RAB11FIP4: variants seen among roughly 807,000 people sequenced by gnomAD.
RAB11FIP4 encodes rab11 family-interacting protein 4.
RAB11FIP4 carries 23 observed loss-of-function variants against 74.3 expected under a neutral mutation model. That is an observed-to-expected ratio of 0.31 (90% CI 0.22 to 0.44). The LOEUF is 0.44. Among genes scored for constraint, RAB11FIP4 ranks in the 20% least tolerant of loss-of-function variants. The pLI is 1.00. For synonymous variants in RAB11FIP4, 360 were observed against 359.9 expected (o/e 1.00, Z 0.00); for missense variants, 630 against 863.9 (o/e 0.73, Z 3.39).
intron 3 of RAB11FIP4, among the ~76,000 whole-genome samples, chr17:31,472,269 T>C (rs2071744850): frequency 1.3e-5 from 2 of 151,818 alleles, no homozygotes; most frequent in South Asian, 4.1e-4. Flanking sequence ...AAAGAACCAC[T>C]GTGCAGTGCC....
intron 1 of RAB11FIP4, among the ~76,000 whole-genome samples, chr17:31,427,714 G>T (rs748619738): frequency 6.6e-6 from 1 of 151,972 alleles, no homozygotes; most frequent in South Asian, 2.1e-4. Context: ...GGAGGCTGGA[G>T]GGTAGAGGGT....
At chr17:31,407,040 A>ATTTTTTTTTTTTTTTTTTTTTTTTTT (rs59919036) in intron 1 of RAB11FIP4, among the ~76,000 whole-genome samples, 1 of 51,208 alleles carries the variant, frequency 2.0e-5, no homozygotes, top group African/African-American at 7.7e-5. Flanking sequence ...GTTTCACTTG[A>ATTTTTTTTTTTTTTTTTTTTTTTTTT]TTTTTTTTTT....
At chr17:31,416,430 T>C (rs1177511302) in intron 1 of RAB11FIP4, among the ~76,000 whole-genome samples, 1 of 152,216 alleles carries the variant, frequency 6.6e-6, no homozygotes, top group Non-Finnish European at 1.5e-5. Flanking sequence ...CCCTCATCCC[T>C]TGTCTCAGGC....
intron 3 of RAB11FIP4, among the ~76,000 whole-genome samples, chr17:31,490,793 G>A (rs78696646): frequency 0.019 from 2,911 of 152,332 alleles, 81 homozygotes; most frequent in African/African-American, 0.067. Flanking sequence ...CTGGGCTCAA[G>A]GGTTCTGCCT....
chr17:31,531,788 G>A lies in RAB11FIP4; in HGVS notation c.*56G>A. ...GACCCTGGGACCAAGGGCAGACCCTGCCCAAGGATGCAGGCCTAAGCCGGG... is the reference window on the plus strand; with the variant it reads ...GACCCTGGGACCAAGGGCAGACCCTACCCAAGGATGCAGGCCTAAGCCGGG... On this transcript the variant is annotated 3_prime_UTR_variant, in exon 15 of 15. Transcript: ENST00000621161. 1 of 1,164,198 alleles carries A rather than the reference G, an allele frequency of 8.6e-7. No individual in the cohort carries two copies. The highest frequency in any genetic ancestry group is 1.3e-6 in the Non-Finnish European group (1 of 777,288). The allele number at this position is 1,164,198 out of a possible 1,614,324, so 72.1% of individuals were successfully genotyped here. A position where few individuals can be genotyped will look rare whatever the true frequency, so the allele number is the denominator to read the frequency against.
chr17:31,441,110 T>C (rs1482881633), intron 3 of RAB11FIP4, among the ~76,000 whole-genome samples: 1 of 152,032 alleles, frequency 6.6e-6, no homozygotes, highest in Non-Finnish European at 1.5e-5. Context: ...CTGCAACCTC[T>C]GCCTCCCAGG....
At chr17:31,497,162 G>A (rs1011354499) in intron 3 of RAB11FIP4, among the ~76,000 whole-genome samples, 1 of 152,106 alleles carries the variant, frequency 6.6e-6, no homozygotes, top group African/African-American at 2.4e-5. Flanking sequence ...TCAAGAGTTC[G>A]AGACCAGCCT....
chr17:31,391,863 G>T lies in RAB11FIP4; in HGVS notation c.11G>T (p.Gly4Val). ...TGCGGGCCGGCCCGGATGGCGGGCG[G>T]CGCGGGCTGGTCGGGCGCCCCCGCG... MAG[G>V]AGWSGAPAAL... The change falls in exon 1 of 15, where the codon GGC (glycine) becomes GTC (valine). Residue 4 changes from glycine (G) to valine (V), a missense_variant. Gly to Val is a moderately radical substitution (Grantham distance 109). Transcript: ENST00000621161. 1 of 1,145,124 alleles carries T rather than the reference G, an allele frequency of 8.7e-7. No individual in the cohort carries two copies. Among genetic ancestry groups the T allele is most frequent in the Non-Finnish European group, 1.1e-6 (1 of 935,598 alleles). The allele number at this position is 1,145,124 out of a possible 1,614,324, so 70.9% of individuals were successfully genotyped here.
At position 31,530,432 on chromosome 17, in the gene RAB11FIP4, C is replaced by G; in HGVS notation, c.1760C>G (p.Ser587Cys). 1 of 1,614,120 alleles carries G rather than the reference C, an allele frequency of 6.2e-7. No individual in the cohort carries two copies. The highest frequency in any genetic ancestry group is 8.5e-7 in the Non-Finnish European group (1 of 1,179,996). The change falls in exon 14 of 15, where the codon TCT becomes TGT. Residue 587 changes from serine (S) to cysteine (C), a missense_variant. By Grantham distance (112) the Ser-to-Cys change is moderately radical. Transcript: ENST00000621161. ...NLFAAQTKAQ[S>C]LAAEIDTASR... ...TTTGCTGCCCAGACTAAAGCCCAGTCTCTGGCTGCGGAGATAGACACCGCC... is the reference window on the plus strand; with the variant it reads ...TTTGCTGCCCAGACTAAAGCCCAGTGTCTGGCTGCGGAGATAGACACCGCC...
intron 3 of RAB11FIP4, among the ~76,000 whole-genome samples, chr17:31,466,886 C>A (rs1339262910): frequency 6.6e-6 from 1 of 152,138 alleles, no homozygotes; most frequent in Non-Finnish European, 1.5e-5. Context: ...TTTATTATGT[C>A]AATTCTTATT....
intron 3 of RAB11FIP4, among the ~76,000 whole-genome samples, chr17:31,504,035 T>C (rs2072270165): frequency 6.7e-6 from 1 of 149,598 alleles, no homozygotes; most frequent in Non-Finnish European, 1.5e-5. Flanking sequence ...AAATACCTTT[T>C]ATCCAAAAGA....
chr17:31,530,457 C>G lies in RAB11FIP4; in HGVS notation c.1785C>G (p.Ala595=). 1 of 1,613,706 alleles carries G rather than the reference C, an allele frequency of 6.2e-7. No homozygotes were observed. Among genetic ancestry groups the G allele is most frequent in the South Asian group, 1.1e-5 (1 of 91,082 alleles). ...CTCTGGCTGCGGAGATAGACACCGC[C>G]TCGCGCGATGAGGTAACCACACCAC... ...AQSLAAEIDT[A]SRDELMEALK... is the part of the protein sequence containing the mutation. Residue 595 remains alanine, a synonymous_variant, in exon 14 of 15, where the codon GCC becomes GCG. Transcript: ENST00000621161.
At chr17:31,459,436 T>C (rs1381332798) in intron 3 of RAB11FIP4, among the ~76,000 whole-genome samples, 1 of 152,158 alleles carries the variant, frequency 6.6e-6, no homozygotes, top group Non-Finnish European at 1.5e-5. Flanking sequence ...ATACTCTCAT[T>C]CCTCTCTGTA....
intron 3 of RAB11FIP4, among the ~76,000 whole-genome samples, chr17:31,442,959 CAA>C (rs11435501): frequency 7.7e-5 from 10 of 129,444 alleles, no homozygotes; most frequent in Admixed American, 7.7e-5. Flanking sequence ...GACTCTGTCT[CAA>C]AAAAAAAAAA....
At chr17:31,431,968 C>A in intron 2 of RAB11FIP4, 68 bp downstream of exon 2, 1 of 1,227,852 alleles carries the variant, frequency 8.1e-7, no homozygotes, top group Non-Finnish European at 1.2e-6. Flanking sequence ...GCTGGTGTGA[C>A]TGGGGGCCCA....
Position 31,517,764 on chromosome 17 carries a change from C to G in RAB11FIP4, c.450C>G (p.Pro150=). 6.4e-7 allele frequency: 1 copy of G among 1,571,222 alleles called. No homozygotes were observed. Among genetic ancestry groups the G allele is most frequent in the Non-Finnish European group, 8.6e-7 (1 of 1,157,766 alleles). Residue 150 remains proline, a synonymous_variant, in exon 4 of 15, where the codon CCC becomes CCG. Coordinates refer to ENST00000621161, the MANE Select transcript of RAB11FIP4 (RefSeq NM_032932.6). The part of the protein sequence containing the change: ...EAMTLAPPEG[P]QELYTDSPME... Reference sequence around the variant, plus strand: ...TGACGCTGGCGCCACCTGAGGGCCCCCAGGAGTTGTACACAGACAGCCCCA... The same window carrying G: ...TGACGCTGGCGCCACCTGAGGGCCCGCAGGAGTTGTACACAGACAGCCCCA...
chr17:31,490,539 G>C lies in RAB11FIP4; in HGVS notation c.337-27112G>C, dbSNP rs182644406. ...TCCTGGCACAGGGCTCATTGTGTTT[G>C]AAAAGGAAGCATCTTTTTTTTTTTT... On this transcript the variant is annotated intron_variant, in intron 3 of 14. Transcript: ENST00000621161. Among the ~76,000 whole-genome samples the C allele has an allele frequency of 2.0e-4, 31 of 151,976 alleles. No homozygotes were observed. In the East Asian group the frequency reaches 5.8e-3, roughly 28 times the overall value.
intron 3 of RAB11FIP4, among the ~76,000 whole-genome samples, chr17:31,457,778 C>T (rs1247918794): frequency 6.6e-6 from 1 of 151,842 alleles, no homozygotes; most frequent in Non-Finnish European, 1.5e-5. Flanking sequence ...CCTCTGTGCT[C>T]TCTCTCTTTG....
intron 3 of RAB11FIP4, among the ~76,000 whole-genome samples, chr17:31,453,377 A>C (rs923830148): frequency 2.8e-4 from 36 of 129,690 alleles, no homozygotes; most frequent in Admixed American, 5.7e-4. Context: ...AAAAAAAAAA[A>C]AAACAAACCT....
Sources: gnomAD v4.1 joint callset for allele counts (sites outside exome capture counted in the v4.1 genomes callset) on GRCh38, gnomAD v4.1.1 for gene constraint, MANE v1.5 for transcripts, NCBI Gene and HGNC (gene_info 2026-07-23, HGNC 2026-07-21) for gene names.